Variants in CACNA2D3 observed in about 807,000 individuals in gnomAD.
CACNA2D3 encodes calcium voltage-gated channel auxiliary subunit alpha2delta 3.
In CACNA2D3, 60 loss-of-function variants were observed where a neutral mutation model predicts 160.6. That is an observed-to-expected ratio of 0.37 (90% confidence interval 0.30 to 0.46). The LOEUF (loss-of-function observed/expected upper bound fraction) is 0.46, where lower values mean the gene tolerates loss of function less well. Among genes scored for constraint, CACNA2D3 ranks in the 20% least tolerant of loss-of-function variants. The probability of loss-of-function intolerance (pLI) is 1.00; values close to 1 mark genes in which losing one functional copy is unlikely to be tolerated. For synonymous variants in CACNA2D3, 558 were observed against 492.9 expected (o/e 1.13, Z -1.75); for missense variants, 1,205 against 1,365.0 (o/e 0.88, Z 1.85).
chr3:54,341,897 T>C (rs62256099), intron 3 of CACNA2D3, among the ~76,000 whole-genome samples: 18,998 of 152,200 alleles, frequency 0.12, 1,236 homozygotes, highest in South Asian at 0.21. Flanking sequence ...GTTGAATTAG[T>C]AGAATGATAT....
At chr3:54,137,662 A>T (rs544863501) in intron 2 of CACNA2D3, among the ~76,000 whole-genome samples, 18 of 152,306 alleles carry the variant, frequency 1.2e-4, no homozygotes, top group Admixed American at 5.2e-4. Context: ...GTTTCATGAA[A>T]CATCACTTAG....
intron 5 of CACNA2D3, among the ~76,000 whole-genome samples, chr3:54,522,613 C>G (rs950709433): frequency 3.3e-5 from 5 of 152,098 alleles, no homozygotes; most frequent in Non-Finnish European, 7.4e-5. Flanking sequence ...ACTGGGAAGT[C>G]CAAGATCATG....
intron 11 of CACNA2D3, among the ~76,000 whole-genome samples, chr3:54,748,527 A>G (rs903383765): frequency 4.6e-5 from 7 of 152,126 alleles, no homozygotes; most frequent in East Asian, 3.9e-4. Context: ...AGACCATCCA[A>G]ACTTAAGTGG....
chr3:54,797,288 G>C (rs1416517032), intron 13 of CACNA2D3, among the ~76,000 whole-genome samples: 1 of 152,150 alleles, frequency 6.6e-6, no homozygotes, highest in Non-Finnish European at 1.5e-5. Context: ...ATCTCTCTTT[G>C]TTCAGGAATG....
chr3:54,198,286 GC>G (rs1178181410), intron 2 of CACNA2D3, among the ~76,000 whole-genome samples: 1 of 152,206 alleles, frequency 6.6e-6, no homozygotes, highest in Admixed American at 6.5e-5. Context: ...GCCATTGCCT[GC>G]AAGGCCTGAC....
intron 2 of CACNA2D3, among the ~76,000 whole-genome samples, chr3:54,265,528 GTA>G (rs1217018055): frequency 4.4e-5 from 5 of 114,670 alleles, no homozygotes; most frequent in African/African-American, 1.2e-4. Flanking sequence ...AGAACTTAAA[GTA>G]TGTGTGTGTG....
At chr3:54,466,967 C>T (rs757690729) in intron 4 of CACNA2D3, among the ~76,000 whole-genome samples, 1 of 152,154 alleles carries the variant, frequency 6.6e-6, no homozygotes, top group Non-Finnish European at 1.5e-5. Context: ...TGGCTTATAG[C>T]CTACTTGCTG....
chr3:54,617,951 GTTT>G (rs113051962), intron 9 of CACNA2D3, among the ~76,000 whole-genome samples: 1 of 142,572 alleles, frequency 7.0e-6, no homozygotes, highest in Admixed American at 7.1e-5. Flanking sequence ...TAGAGTTTGG[GTTT>G]TTTTTTTTTT....
chr3:54,784,109 C>T (rs1279660478), intron 13 of CACNA2D3, among the ~76,000 whole-genome samples: 1 of 152,128 alleles, frequency 6.6e-6, no homozygotes, highest in East Asian at 1.9e-4. Context: ...GTAAGTCTGT[C>T]CACTGTGAAG....
At chr3:54,210,574 A>G (rs142120769) in intron 2 of CACNA2D3, among the ~76,000 whole-genome samples, 2 of 152,292 alleles carry the variant, frequency 1.3e-5, no homozygotes, top group African/African-American at 4.8e-5. Flanking sequence ...TCTGTTAGAC[A>G]AGGATTGGGT....
chr3:54,584,840 A>T (rs1019887836), intron 9 of CACNA2D3, among the ~76,000 whole-genome samples: 1 of 152,236 alleles, frequency 6.6e-6, no homozygotes, highest in African/African-American at 2.4e-5. Context: ...ATATGAAATC[A>T]TGAAGACCAG....
chr3:54,516,564 A>T (rs1701554781), intron 5 of CACNA2D3, among the ~76,000 whole-genome samples: 1 of 152,130 alleles, frequency 6.6e-6, no homozygotes, highest in Non-Finnish European at 1.5e-5. Context: ...AGGTGGACTG[A>T]TCCACATCTT....
chr3:54,979,071 A>C (rs1425146552), intron 29 of CACNA2D3, among the ~76,000 whole-genome samples: 1 of 152,234 alleles, frequency 6.6e-6, no homozygotes, highest in African/African-American at 2.4e-5. Flanking sequence ...AATCTCAGAT[A>C]AGACTTTTTT....
chr3:54,413,435 T>TATATAGATATCTATATATATAG (rs1699704853), intron 4 of CACNA2D3, among the ~76,000 whole-genome samples: 5 of 148,128 alleles, frequency 3.4e-5, no homozygotes, highest in Admixed American at 1.4e-4. Flanking sequence ...TATATATATA[T>TATATAGATATCTATATATATAG]ATATCTGCTT....
chr3:54,238,004 T>C (rs1462629630), intron 2 of CACNA2D3, among the ~76,000 whole-genome samples: 1 of 152,168 alleles, frequency 6.6e-6, no homozygotes, highest in African/African-American at 2.4e-5. Context: ...CATCTCCCAG[T>C]CACATGAAAC....
At chr3:54,483,612 T>A (rs1362879796) in intron 4 of CACNA2D3, among the ~76,000 whole-genome samples, 1 of 152,226 alleles carries the variant, frequency 6.6e-6, no homozygotes, top group East Asian at 1.9e-4. Context: ...CCTATTTATT[T>A]ATTGTCATAT....
chr3:54,442,334 T>C (rs1449020517), intron 4 of CACNA2D3, among the ~76,000 whole-genome samples: 9 of 152,248 alleles, frequency 5.9e-5, no homozygotes, highest in African/African-American at 2.2e-4. Context: ...GCATACATTT[T>C]ATAAAGAGGG....
At chr3:54,734,154 C>G (rs921464126) in intron 11 of CACNA2D3, among the ~76,000 whole-genome samples, 4 of 152,180 alleles carry the variant, frequency 2.6e-5, no homozygotes, top group African/African-American at 9.7e-5. Flanking sequence ...AGAGGCTGGG[C>G]AGGCTTAGCA....
chr3:54,134,627 G>A (rs1481547910), intron 2 of CACNA2D3, among the ~76,000 whole-genome samples: 1 of 152,194 alleles, frequency 6.6e-6, no homozygotes, highest in Admixed American at 6.5e-5. Context: ...AAAAAGTGGG[G>A]GCTGCCTTCC....
Sources: allele counts gnomAD v4.1 joint callset (sites outside exome capture counted in the v4.1 genomes callset), GRCh38; gene constraint gnomAD v4.1.1; transcripts MANE v1.5; gene names NCBI Gene and HGNC (gene_info 2026-07-23, HGNC 2026-07-21).